The following EPHA5 variants were observed in gnomAD, a reference collection of about 807,000 sequenced individuals.
EPHA5 encodes the protein ephrin type-A receptor 5.
In EPHA5, 60 loss-of-function variants were observed where a neutral mutation model predicts 105.0. The observed-to-expected ratio is 0.57, with a 90% CI of 0.46 to 0.71. The LOEUF is 0.71. EPHA5 is among the 30% of genes least tolerant of loss of function. The pLI, the probability that EPHA5 is intolerant of heterozygous loss-of-function variation, is 0.00. For missense variants in EPHA5, 1,218 were observed against 1,274.7 expected (o/e 0.96, Z 0.68); for synonymous variants, 513 against 449.1 (o/e 1.14, Z -1.80).
At chr4:65,554,929 G>T (rs1193067230) in intron 3 of EPHA5, among the ~76,000 whole-genome samples, 1 of 125,082 alleles carries the variant, frequency 8.0e-6, no homozygotes, top group African/African-American at 3.0e-5. Context: ...TCAGAGATGA[G>T]AAGAATTCAC....
At chr4:65,354,148 T>C (rs1325389519) in intron 11 of EPHA5, among the ~76,000 whole-genome samples, 1 of 151,774 alleles carries the variant, frequency 6.6e-6, no homozygotes, top group African/African-American at 2.4e-5. Flanking sequence ...ATCTGCTAAG[T>C]CATATGGTTA....
At chr4:65,589,788 A>G (rs58408114) in intron 3 of EPHA5, among the ~76,000 whole-genome samples, 1 of 152,182 alleles carries the variant, frequency 6.6e-6, no homozygotes, top group African/African-American at 2.4e-5. Flanking sequence ...AGGACCAAGT[A>G]ATTATGTTGC....
chr4:65,440,401 T>A (rs1725893303), intron 5 of EPHA5, among the ~76,000 whole-genome samples: 1 of 151,962 alleles, frequency 6.6e-6, no homozygotes, highest in Non-Finnish European at 1.5e-5. Context: ...GTTAGTATTA[T>A]GTGTGCAAAA....
At chr4:65,551,395 A>C (rs1439785569) in intron 3 of EPHA5, among the ~76,000 whole-genome samples, 4 of 152,010 alleles carry the variant, frequency 2.6e-5, no homozygotes. Context: ...AGTGTAAAAC[A>C]GAATGGTTCC....
rs1283671186 is a variant in EPHA5, at chr4:65,490,500, T to A, written c.1279A>T (p.Met427Leu). The change falls in exon 5 of 17, where the codon ATG (methionine) becomes TTG (leucine). Residue 427 changes from methionine to leucine, a missense_variant. Coordinates refer to ENST00000613740, the MANE Select transcript of EPHA5 (RefSeq NM_001281766.3). The stretch of plus-strand genomic sequence containing the variant: ...GTGTGAGCGAGTAGATCCACCATCA[T>A]GACAGAGGTGTTTTTCAGGCCGCTT... ...RQSGLKNTSVMMVDLLAHTNY... is the reference protein window; with the variant it reads ...RQSGLKNTSVLMVDLLAHTNY... The A allele has an allele frequency of 1.2e-6, 2 of 1,614,066 alleles. No individual in the cohort carries two copies. The highest frequency in any genetic ancestry group is 1.3e-5 in the African/African-American group (1 of 74,920).
chr4:65,626,982 G>C (rs1456587655), intron 2 of EPHA5, among the ~76,000 whole-genome samples: 2 of 152,168 alleles, frequency 1.3e-5, no homozygotes, highest in African/African-American at 4.8e-5. Flanking sequence ...TCTGTGATAT[G>C]AATGTGGAAC....
intron 5 of EPHA5, among the ~76,000 whole-genome samples, chr4:65,431,028 T>C (rs1724919842): frequency 6.6e-6 from 1 of 152,152 alleles, no homozygotes; most frequent in African/African-American, 2.4e-5. Flanking sequence ...TGATCTACCA[T>C]GATGCATTTA....
At chr4:65,575,830 A>G (rs1740836074) in intron 3 of EPHA5, among the ~76,000 whole-genome samples, 1 of 151,380 alleles carries the variant, frequency 6.6e-6, no homozygotes, top group Non-Finnish European at 1.5e-5. Context: ...TACAAAAATT[A>G]GGCAGGCGTA....
rs116070150 is a variant in EPHA5 at position 65,361,440 on chromosome 4, T to C, written c.2173+3577A>G. Among the ~76,000 whole-genome samples the C allele has an allele frequency of 8.1e-3, 1,222 of 151,762 alleles. 12 individuals are homozygous for C. The highest frequency in any genetic ancestry group is 0.028 in the African/African-American group (1,145 of 41,472). Reference sequence around the variant, plus strand: ...AAGTCTATGCATTTTGGTTGATTTGTTTGCTTGACTGCTGATGAAGCATGA... The same window carrying C: ...AAGTCTATGCATTTTGGTTGATTTGCTTGCTTGACTGCTGATGAAGCATGA... On this transcript the variant is annotated intron_variant, in intron 11 of 16. Coordinates refer to ENST00000613740, the MANE Select transcript of EPHA5 (RefSeq NM_001281766.3).
Position 65,620,824 on chromosome 4 carries a change from T to C in EPHA5, c.247-18520A>G, listed in dbSNP as rs77103592. ...TGTATTCAGAAAACATCCGGTAACT[T>C]AAAGAATCAGATAATGGATTTGCGT... On this transcript the variant is annotated intron_variant, in intron 2 of 16. Transcript: ENST00000613740. Among the ~76,000 whole-genome samples the C allele has an allele frequency of 2.1e-3, 317 of 152,240 alleles. 3 individuals are homozygous for C. Among genetic ancestry groups the C allele is most frequent in the African/African-American group, 7.4e-3 (307 of 41,558 alleles).
At chr4:65,650,393 A>C (rs1224056252) in intron 1 of EPHA5, among the ~76,000 whole-genome samples, 2 of 2,652 alleles carry the variant, frequency 7.5e-4, no homozygotes, top group Non-Finnish European at 1.7e-3. Context: ...TAAACATACA[A>C]AAAAAAAAAA....
chr4:65,414,460 A>G lies in EPHA5; in HGVS notation c.1528-17T>C, dbSNP rs2149020984. 6.2e-7 allele frequency: 1 copy of G among 1,611,442 alleles called. No homozygotes were observed. The highest frequency in any genetic ancestry group is 8.5e-7 in the Non-Finnish European group (1 of 1,178,664). On this transcript the variant is annotated splice_polypyrimidine_tract_variant and intron_variant, in intron 6 of 16. Transcript: ENST00000613740. ...CTCTTGGTCCTTGGGATGCGCATGC[A>G]TATACAATAAAAAAGACAGCATATA... is the stretch of plus-strand genomic sequence containing the variant.
intron 11 of EPHA5, among the ~76,000 whole-genome samples, chr4:65,359,391 A>G (rs1268179112): frequency 5.3e-5 from 8 of 151,586 alleles, no homozygotes; most frequent in Non-Finnish European, 1.0e-4. Context: ...TACTTCAAAC[A>G]TTTTTCTTTT....
At chr4:65,476,127 A>AGAGAGAGAGT (rs1425495059) in intron 5 of EPHA5, among the ~76,000 whole-genome samples, 248 of 119,192 alleles carry the variant, frequency 2.1e-3, no homozygotes, top group South Asian at 0.015. Context: ...AGAGAGAGAG[A>AGAGAGAGAGT]GTGTGTGTGT....
chr4:65,528,624 A>T (rs1367998681), intron 3 of EPHA5, among the ~76,000 whole-genome samples: 2 of 152,180 alleles, frequency 1.3e-5, no homozygotes, highest in Non-Finnish European at 2.9e-5. Context: ...CATACTATGT[A>T]CTTGTCAACA....
chr4:65,409,642 G>A (rs1310270317), intron 7 of EPHA5, among the ~76,000 whole-genome samples: 1 of 152,140 alleles, frequency 6.6e-6, no homozygotes, highest in African/African-American at 2.4e-5. Context: ...TAAGGCTACA[G>A]GTCAGAGTAA....
intron 4 of EPHA5, among the ~76,000 whole-genome samples, chr4:65,493,250 T>C (rs1033769701): frequency 6.6e-6 from 1 of 152,210 alleles, no homozygotes; most frequent in Non-Finnish European, 1.5e-5. Flanking sequence ...CAATCATAGA[T>C]ATGATGCGTC....
At chr4:65,660,678 C>A (rs1257092485) in intron 1 of EPHA5, among the ~76,000 whole-genome samples, 2 of 151,922 alleles carry the variant, frequency 1.3e-5, no homozygotes, top group Non-Finnish European at 2.9e-5. Context: ...AAGACCATAC[C>A]ACTGTCTAAG....
chr4:65,488,008 G>A (rs374211886), intron 5 of EPHA5, among the ~76,000 whole-genome samples: 4 of 152,126 alleles, frequency 2.6e-5, no homozygotes, highest in African/African-American at 9.7e-5. Context: ...TTTTGGGTAG[G>A]TTTGCAAAAT....
Sources: allele counts gnomAD v4.1 joint callset (sites outside exome capture counted in the v4.1 genomes callset), GRCh38; gene constraint gnomAD v4.1.1; transcripts MANE v1.5; gene names NCBI Gene and HGNC (gene_info 2026-07-23, HGNC 2026-07-21).